The following MSN variants were observed in gnomAD, a reference collection of about 807,000 sequenced individuals.
MSN encodes the protein epididymis luminal protein 70.
MSN carries 2 observed loss-of-function variants against 48.0 expected under a neutral mutation model. That is an observed-to-expected ratio of 0.04 (90% CI 0.02 to 0.13). The LOEUF is 0.13. Ranked by LOEUF, MSN falls within the 10% of genes least tolerant of loss-of-function variation. The pLI is 1.00. For synonymous variants in MSN, 146 were observed against 166.9 expected, an observed-to-expected ratio of 0.87 and a Z score of 0.97; for missense variants, 267 against 470.1, an observed-to-expected ratio of 0.57 and a Z score of 3.99.
Position 65,619,399 on chromosome X carries a change from GTTCAT to G in MSN, c.-22+30791_-22+30795del, listed in dbSNP as rs1287044343. 6.9e-4 allele frequency among the ~76,000 whole-genome samples: 68 copies of G among 97,962 alleles called. 1 individual carries two copies. Among genetic ancestry groups the G allele is most frequent in the Middle Eastern group, 9.6e-3 (2 of 209 alleles). The allele number at this position is 97,962 out of a possible 115,157, so 85.1% of individuals were successfully genotyped here. A position where few individuals can be genotyped will look rare whatever the true frequency, so the allele number is the denominator to read the frequency against. ...TAGTCCCATATTTCTTGGAGGCTTT[GTTCAT>G]TTCTTTTTATTCTTTTTTCTCTAAA... On this transcript the variant is annotated intron_variant, in intron 1 of 3. Coordinates refer to the MSN transcript ENST00000609672.
chrX:65,630,761 T>C (rs2070550127), intron 1 of MSN, among the ~76,000 whole-genome samples: 1 of 111,997 alleles, frequency 8.9e-6, no homozygotes, highest in South Asian at 3.7e-4. Flanking sequence ...AAATCATACA[T>C]TTTGTGGTCT....
chrX:65,608,899 T>C (rs1223322559), intron 1 of MSN, among the ~76,000 whole-genome samples: 2 of 110,507 alleles, frequency 1.8e-5, no homozygotes, highest in African/African-American at 6.6e-5. Context: ...GTTACTACCA[T>C]GATTCTGGTT....
At chrX:65,628,693 T>TA (rs1224767512) in intron 1 of MSN, among the ~76,000 whole-genome samples, 1 of 111,341 alleles carries the variant, frequency 9.0e-6, no homozygotes, top group Admixed American at 9.5e-5. Flanking sequence ...AATTTGTCCT[T>TA]AAAAAAAATG....
At chrX:65,721,621 A>G (rs1219220269) in intron 2 of MSN, among the ~76,000 whole-genome samples, 1 of 111,371 alleles carries the variant, frequency 9.0e-6, no homozygotes, top group East Asian at 2.8e-4. Context: ...CATCTTACAG[A>G]TGAGGAACTG....
At position 65,708,611 on chromosome X, in the gene MSN, G is replaced by T. The variant is rs750818689; in HGVS notation, c.13-8207G>T. Among the ~76,000 whole-genome samples, 6 of 111,481 alleles carry T rather than the reference G, an allele frequency of 5.4e-5. No individual in the cohort carries two copies. In the South Asian group the frequency reaches 2.2e-3, roughly 41 times the overall value. ...CTTGGCGGGGTGTTTAACTTTCTGT[G>T]CCTGGCTTATTTCACTTAACATAAT... On this transcript the variant is annotated intron_variant, in intron 1 of 12. Transcript: ENST00000360270.
chrX:65,605,243 G>A (rs1015312365), intron 1 of MSN, among the ~76,000 whole-genome samples: 1 of 112,556 alleles, frequency 8.9e-6, no homozygotes, highest in Non-Finnish European at 1.9e-5. Flanking sequence ...AATCTTTCCT[G>A]CCAAAGAAAC....
At chrX:65,738,929 G>T in intron 11 of MSN, 41 bp from the exon 12 acceptor site, 1 of 1,185,579 alleles carries the variant, frequency 8.4e-7, no homozygotes, top group South Asian at 1.8e-5. Context: ...CAGTTTAACT[G>T]GTCTCACTGA....
In MSN at chrX:65,610,468, G is replaced by T. The variant is rs1217667265; in HGVS notation, c.-22+21856G>T. Reference sequence around the variant, plus strand: ...TTTAACAAATGAATAATATTCCATTGTATGTATATACCGTATTTTATTTAT... The same window carrying T: ...TTTAACAAATGAATAATATTCCATTTTATGTATATACCGTATTTTATTTAT... On this transcript the variant is annotated intron_variant, in intron 1 of 3. Coordinates refer to the MSN transcript ENST00000609672. Among the ~76,000 whole-genome samples the T allele has an allele frequency of 2.7e-5, 3 of 112,167 alleles. No homozygotes were observed. The Admixed American group carries it at 2.8e-4, about 11-fold the overall frequency.
chrX:65,702,908 T>TG (rs1326743614), intron 1 of MSN, among the ~76,000 whole-genome samples: 1 of 112,125 alleles, frequency 8.9e-6, no homozygotes, highest in Non-Finnish European at 1.9e-5. Flanking sequence ...TTCTGCTTCT[T>TG]GGGGAGGAAA....
chrX:65,619,469 C>T (rs373774227), intron 1 of MSN, among the ~76,000 whole-genome samples: 7 of 99,143 alleles, frequency 7.1e-5, no homozygotes, highest in Admixed American at 9.9e-5. Flanking sequence ...CATCTTCCAT[C>T]GCTGATACCC....
intron 1 of MSN, among the ~76,000 whole-genome samples, chrX:65,590,977 T>C (rs1281481817): frequency 1.8e-5 from 2 of 111,444 alleles, no homozygotes; most frequent in African/African-American, 6.5e-5. Flanking sequence ...CCTCTCAATC[T>C]AGCTGATATC....
chrX:65,633,802 C>T (rs1318069053), intron 1 of MSN, among the ~76,000 whole-genome samples: 1 of 111,818 alleles, frequency 8.9e-6, no homozygotes, highest in Non-Finnish European at 1.9e-5. Flanking sequence ...TTGTATTTTT[C>T]GATAGTTCAT....
intron 1 of MSN, among the ~76,000 whole-genome samples, chrX:65,656,697 C>T (rs1381255277): frequency 8.9e-6 from 1 of 111,744 alleles, no homozygotes; most frequent in East Asian, 2.8e-4. Flanking sequence ...GAACCTACTG[C>T]AGGCACTGCG....
chrX:65,599,228 G>T (rs1262477937), intron 1 of MSN, among the ~76,000 whole-genome samples: 4 of 111,594 alleles, frequency 3.6e-5, no homozygotes, highest in Non-Finnish European at 7.5e-5. Flanking sequence ...CTGGGAGGCA[G>T]AGGTTGCAGT....
At chrX:65,628,943 A>G (rs1184207975) in intron 1 of MSN, among the ~76,000 whole-genome samples, 4 of 109,111 alleles carry the variant, frequency 3.7e-5, no homozygotes, top group East Asian at 2.9e-4. Context: ...GCGGGTATCT[A>G]TGATCCTAGC....
At chrX:65,727,387 C>T (rs970659557) in intron 2 of MSN, among the ~76,000 whole-genome samples, 3 of 111,786 alleles carry the variant, frequency 2.7e-5, no homozygotes, top group Non-Finnish European at 3.8e-5. Context: ...TGGCAGAAAT[C>T]ACTGGATATG....
intron 1 of MSN, among the ~76,000 whole-genome samples, chrX:65,631,955 G>T (rs1486590092): frequency 4.5e-5 from 5 of 112,049 alleles, no homozygotes; most frequent in Middle Eastern, 4.6e-3. Context: ...GGGATTACAG[G>T]CATGACCCAC....
chrX:65,639,012 C>T (rs1400734994), intron 1 of MSN, among the ~76,000 whole-genome samples: 1 of 112,728 alleles, frequency 8.9e-6, no homozygotes, highest in African/African-American at 3.2e-5. Context: ...ACTCTGCATG[C>T]TAGAACAAAT....
rs187412372 is a variant in MSN, at chrX:65,694,059, A to G, written c.13-22759A>G. Among the ~76,000 whole-genome samples the G allele has an allele frequency of 3.2e-3, 347 of 108,716 alleles. 1 individual carries two copies. Among genetic ancestry groups the G allele is most frequent in the Middle Eastern group, 0.028 (6 of 215 alleles). 94.4% of individuals were successfully genotyped at this position (108,716 alleles called of 115,157 possible). Reference sequence around the variant, plus strand: ...CAGAGCAAGACTCCATCTCAAACAAACACACAAACAAAAAACAAAAAAAAA... The same window carrying G: ...CAGAGCAAGACTCCATCTCAAACAAGCACACAAACAAAAAACAAAAAAAAA... On this transcript the variant is annotated intron_variant, in intron 1 of 12. Transcript: ENST00000360270.
Sources: gnomAD v4.1 joint callset for allele counts (sites outside exome capture counted in the v4.1 genomes callset) on GRCh38, gnomAD v4.1.1 for gene constraint, MANE v1.5 for transcripts, NCBI Gene and HGNC (gene_info 2026-07-23, HGNC 2026-07-21) for gene names.